Variants in FBXL13 observed in about 807,000 individuals in gnomAD.
FBXL13 encodes F-box and leucine-rich repeat protein 13.
A neutral mutation model predicts 83.6 loss-of-function variants in FBXL13; 67 were observed. That is an observed-to-expected ratio of 0.80 (90% CI 0.66 to 0.98). FBXL13 has a LOEUF of 0.98. Among genes scored for constraint, FBXL13 ranks in the 50% least tolerant of loss-of-function variants. The pLI is 0.00. For synonymous variants in FBXL13, 272 were observed against 299.5 expected, an observed-to-expected ratio of 0.91 and a Z score of 0.95; for missense variants, 822 against 866.5, an observed-to-expected ratio of 0.95 and a Z score of 0.64.
At chr7:102,882,767 C>A (rs765414809) in intron 14 of FBXL13, among the ~76,000 whole-genome samples, 3 of 49,664 alleles carry the variant, frequency 6.0e-5, no homozygotes, top group Non-Finnish European at 1.1e-4. Context: ...GTCTCAAAAA[C>A]AAAACAAAAC....
intron 8 of FBXL13, 61 bp downstream of exon 9, chr7:102,963,472 G>A (rs1446913622): frequency 6.3e-7 from 1 of 1,580,896 alleles, no homozygotes; most frequent in African/African-American, 1.4e-5. Flanking sequence ...ATGCTTTTCT[G>A]TATATTTGTT....
At chr7:102,867,020 C>A (rs1807744567) in intron 16 of FBXL13, among the ~76,000 whole-genome samples, 1 of 152,086 alleles carries the variant, frequency 6.6e-6, no homozygotes, top group Admixed American at 6.5e-5. Flanking sequence ...CCTAAGCCTG[C>A]CCAGAAATTC....
chr7:103,033,968 G>A (rs960447983), intron 2 of FBXL13, among the ~76,000 whole-genome samples: 2 of 140,296 alleles, frequency 1.4e-5, no homozygotes, highest in African/African-American at 5.4e-5. Context: ...ACAGAGTGTC[G>A]ACACAAAGGT....
chr7:102,862,654 A>G (rs889389874), intron 16 of FBXL13, among the ~76,000 whole-genome samples: 1 of 152,234 alleles, frequency 6.6e-6, no homozygotes, highest in African/African-American at 2.4e-5. Context: ...ATGTACAAGT[A>G]TTATATACAT....
chr7:102,834,579 A>T (rs1801536826), intron 17 of FBXL13: 1 of 151,706 alleles, frequency 6.6e-6, no homozygotes, highest in East Asian at 1.9e-4. Flanking sequence ...CTTGGCACAT[A>T]GTAAGCACCC....
At chr7:102,877,874 C>G (rs1317602079) in intron 15 of FBXL13, among the ~76,000 whole-genome samples, 1 of 152,018 alleles carries the variant, frequency 6.6e-6, no homozygotes, top group Non-Finnish European at 1.5e-5. Flanking sequence ...CATGTAAGTA[C>G]CATAGTGAAT....
At chr7:102,867,029 T>A (rs1254974864) in intron 16 of FBXL13, among the ~76,000 whole-genome samples, 1 of 152,074 alleles carries the variant, frequency 6.6e-6, no homozygotes, top group Non-Finnish European at 1.5e-5. Flanking sequence ...GCCCAGAAAT[T>A]CTAGGAAAGC....
chr7:103,010,199 C>A (rs921120174), intron 6 of FBXL13, among the ~76,000 whole-genome samples: 1 of 152,242 alleles, frequency 6.6e-6, no homozygotes, highest in African/African-American at 2.4e-5. Context: ...CCCCACCCAC[C>A]CCCGCCACTG....
At chr7:103,015,797 C>CAAAAAAA (rs56376102) in intron 6 of FBXL13, among the ~76,000 whole-genome samples, 2 of 115,484 alleles carry the variant, frequency 1.7e-5, no homozygotes, top group East Asian at 5.1e-4. Context: ...ACTCTCATCT[C>CAAAAAAA]AAAAAAAAAA....
At chr7:103,059,591 A>C (rs1797660170) in intron 1 of FBXL13, among the ~76,000 whole-genome samples, 2 of 152,216 alleles carry the variant, frequency 1.3e-5, no homozygotes. Flanking sequence ...AGGACAAAAA[A>C]GTCCATGAGT....
chr7:102,973,005 C>A, intron 6 of FBXL13: 1 of 153,834 alleles, frequency 6.5e-6, no homozygotes, highest in Non-Finnish European at 1.4e-5. Context: ...ATGATTAAAT[C>A]AGGTTAATAA....
At chr7:102,947,436 T>G (rs1202646980) in intron 8 of FBXL13, among the ~76,000 whole-genome samples, 1 of 152,212 alleles carries the variant, frequency 6.6e-6, no homozygotes, top group Non-Finnish European at 1.5e-5. Context: ...CAGAAATTAA[T>G]CCAGGCCATC....
At chr7:102,886,110 T>A (rs1402613528) in intron 11 of FBXL13, among the ~76,000 whole-genome samples, 1 of 152,244 alleles carries the variant, frequency 6.6e-6, no homozygotes, top group Non-Finnish European at 1.5e-5. Flanking sequence ...AAATAATGAC[T>A]GATTCAAAGA....
chr7:103,058,484 T>TTCCTC (rs1797551540), intron 1 of FBXL13, among the ~76,000 whole-genome samples: 3 of 152,178 alleles, frequency 2.0e-5, no homozygotes, highest in Non-Finnish European at 4.4e-5. Flanking sequence ...TGGAGGCCAA[T>TTCCTC]CAGACTTCCC....
chr7:102,813,146 C>T, downstream of FBXL13: 1 of 607,248 alleles, frequency 1.6e-6, no homozygotes, highest in Non-Finnish European at 2.7e-6. Context: ...GGCCTGGCTT[C>T]TTTTTTAAAT....
At chr7:102,929,663 C>CA (rs35025022) in intron 9 of FBXL13, among the ~76,000 whole-genome samples, 67,630 of 91,416 alleles carry the variant, frequency 0.74, 26,119 homozygotes, top group Non-Finnish European at 0.85. Context: ...GACTCCATCT[C>CA]AAAAAAAAAA....
intron 17 of FBXL13, among the ~76,000 whole-genome samples, chr7:102,837,737 C>G (rs1802249824): frequency 6.6e-6 from 1 of 152,148 alleles, no homozygotes; most frequent in African/African-American, 2.4e-5. Context: ...GAGACAGGGT[C>G]TCACTATGTT....
chr7:102,880,035 G>A (rs1025632597), intron 14 of FBXL13, among the ~76,000 whole-genome samples: 14 of 152,166 alleles, frequency 9.2e-5, no homozygotes, highest in African/African-American at 2.7e-4. Flanking sequence ...AGCTCCTCAG[G>A]TGATTCTGAC....
intron 2 of FBXL13, among the ~76,000 whole-genome samples, chr7:103,032,872 A>T (rs946065066): frequency 2.6e-5 from 4 of 152,222 alleles, no homozygotes; most frequent in Admixed American, 6.5e-5. Flanking sequence ...TCTGCTAAAA[A>T]TAAAAAATTA....
Sources: allele counts gnomAD v4.1 joint callset (sites outside exome capture counted in the v4.1 genomes callset), GRCh38; gene constraint gnomAD v4.1.1; transcripts MANE v1.5; gene names NCBI Gene and HGNC (gene_info 2026-07-23, HGNC 2026-07-21).